Variants in AK8 observed in about 807,000 individuals in gnomAD.
AK8 encodes adenylate kinase 8.
Under a neutral mutation model 54.6 loss-of-function variants are expected in AK8, and 44 were observed. The observed-to-expected ratio is 0.81, with a 90% CI of 0.63 to 1.04. The LOEUF (loss-of-function observed/expected upper bound fraction) is 1.04. Among genes scored for constraint, AK8 ranks in the 50% least tolerant of loss-of-function variants. The probability of loss-of-function intolerance (pLI) is 0.00; values close to 1 mark genes in which losing one functional copy is unlikely to be tolerated. For missense variants in AK8, 555 were observed against 613.6 expected, an observed-to-expected ratio of 0.90 and a Z score of 1.01; for synonymous variants, 239 against 245.6, an observed-to-expected ratio of 0.97 and a Z score of 0.25.
chr9:132,826,946 T>C lies in AK8; in HGVS notation c.665A>G (p.Tyr222Cys). The C allele has an allele frequency of 6.2e-7, 1 of 1,614,256 alleles. No individual in the cohort carries two copies. Among genetic ancestry groups the C allele is most frequent in the Non-Finnish European group, 8.5e-7 (1 of 1,180,044 alleles). Residue 222 changes from tyrosine (Y) to cysteine (C), a missense_variant, in exon 8 of 13, where the codon TAT becomes TGT. Transcript: ENST00000298545. The surrounding 1 kb of genome is among the most constrained non-coding windows in gnomAD (Gnocchi z 4.5). ...ELETAQKLLE[Y>C]HRNIVRVIPS... ...AATGACCCTGACGATGTTCCTATGA[T>C]ACTCCAGCAGTTTCTGAGCCGTCTC...
Position 132,854,937 on chromosome 9 carries a change from A to G in AK8, c.334-12T>C. On this transcript the variant is annotated splice_polypyrimidine_tract_variant and intron_variant, in intron 4 of 12. Coordinates refer to ENST00000298545, the MANE Select transcript of AK8 (RefSeq NM_152572.3). Reference sequence around the variant, plus strand: ...GCGCTGGGAACTGTCTGAAGGAAAAAGGACACACAGAATGATGGCCCAAAC... The same window carrying G: ...GCGCTGGGAACTGTCTGAAGGAAAAGGGACACACAGAATGATGGCCCAAAC... 6.2e-7 allele frequency: 1 copy of G among 1,613,980 alleles called. No homozygotes were observed. The highest frequency in any genetic ancestry group is 8.5e-7 in the Non-Finnish European group (1 of 1,179,950).
At chr9:132,755,768 A>AT (rs5900991) in intron 11 of AK8, among the ~76,000 whole-genome samples, 2,531 of 143,712 alleles carry the variant, frequency 0.018, 68 homozygotes, top group African/African-American at 0.059. Flanking sequence ...CAACTCTCAG[A>AT]TTTTTTTTTT....
At chr9:132,794,130 T>C (rs573193876) in intron 10 of AK8, among the ~76,000 whole-genome samples, 2 of 152,318 alleles carry the variant, frequency 1.3e-5, no homozygotes, top group Admixed American at 1.3e-4. Flanking sequence ...CCTGAATGTG[T>C]TCTCTCTCAT....
intron 12 of AK8, among the ~76,000 whole-genome samples, chr9:132,726,548 G>A (rs543820761): frequency 8.5e-5 from 13 of 152,256 alleles, no homozygotes; most frequent in South Asian, 8.3e-4. Context: ...GATTACAGGC[G>A]TGAGCCACCA....
At chr9:132,777,193 C>T (rs867035877) in intron 11 of AK8, among the ~76,000 whole-genome samples, 7 of 152,272 alleles carry the variant, frequency 4.6e-5, no homozygotes, top group African/African-American at 1.2e-4. Context: ...GTTGAACGTA[C>T]TTCTCAGAAG....
At chr9:132,839,369 G>A (rs1419376232) in intron 5 of AK8, among the ~76,000 whole-genome samples, 1 of 152,162 alleles carries the variant, frequency 6.6e-6, no homozygotes, top group East Asian at 1.9e-4. Context: ...AATGAGTCAT[G>A]GGGCAAAGTA....
Position 132,826,430 on chromosome 9 carries a change from T to A in AK8, c.757+424A>T, listed in dbSNP as rs570527929. 6.6e-5 allele frequency among the ~76,000 whole-genome samples: 10 copies of A among 152,258 alleles called. No homozygotes were observed. Among genetic ancestry groups the A allele is most frequent in the African/African-American group, 2.4e-4 (10 of 41,562 alleles). On this transcript the variant is annotated intron_variant, in intron 8 of 12. Coordinates refer to ENST00000298545, the MANE Select transcript of AK8 (RefSeq NM_152572.3). This position sits in a 1 kb window ranked among gnomAD's most constrained non-coding sequence, Gnocchi z 4.5. ...TAAATGAAGCATACCACCTGTGCTG[T>A]GTGTGTGTGTTTTATTGTGTTGTGT...
chr9:132,821,117 C>A (rs1841578931), intron 9 of AK8, among the ~76,000 whole-genome samples: 1 of 150,212 alleles, frequency 6.7e-6, no homozygotes, highest in Non-Finnish European at 1.5e-5. Context: ...GTGCTGAACG[C>A]AATTTGAATT....
intron 2 of AK8, among the ~76,000 whole-genome samples, chr9:132,871,797 G>A (rs757161882): frequency 6.6e-6 from 1 of 152,242 alleles, no homozygotes; most frequent in Non-Finnish European, 1.5e-5. Flanking sequence ...GGAGACAAAG[G>A]CAGGGAGGTG....
In AK8 at chr9:132,828,655, G is replaced by A; in HGVS notation, c.474C>T (p.Pro158=). ...ALRIQTLGIT[P]RHVIVLSAPD... is the part of the protein sequence containing the mutation. ...TTGGGAGCTACTCACTGACGTGTCT[G>A]GGTGTGATCCCCAGGGTCTGGATCC... The change falls in exon 6 of 13, where the codon CCC becomes CCT. Residue 158 remains proline (P), a synonymous_variant. Transcript: ENST00000298545. 1 of 1,612,016 alleles carries A rather than the reference G, an allele frequency of 6.2e-7. No individual in the cohort carries two copies. The highest frequency in any genetic ancestry group is 8.5e-7 in the Non-Finnish European group (1 of 1,179,162).
rs368312995 is a variant in AK8 at position 132,814,657 on chromosome 9, G to T, written c.960C>A (p.Phe320Leu). 13 of 1,614,124 alleles carry T rather than the reference G, an allele frequency of 8.1e-6. No individual in the cohort carries two copies. The highest frequency in any genetic ancestry group is 1.1e-5 in the Non-Finnish European group (13 of 1,180,018). ...RTTFGELIQPFFEKEMAVPDS... is the reference protein window; with the variant it reads ...RTTFGELIQPLFEKEMAVPDS... Reference sequence around the variant, plus strand: ...GCCTACCTGCCATCTCCTTTTCAAAGAAGGGCTGGATGAGCTCGCCAAACG... The same window carrying T: ...GCCTACCTGCCATCTCCTTTTCAAATAAGGGCTGGATGAGCTCGCCAAACG... Residue 320 changes from phenylalanine (F) to leucine (L), a missense_variant, in exon 10 of 13, where the codon TTC (phenylalanine) becomes TTA (leucine). By Grantham distance (22) the Phe-to-Leu change is conservative. Coordinates refer to ENST00000298545, the MANE Select transcript of AK8 (RefSeq NM_152572.3).
At chr9:132,787,871 T>C (rs1356441190) in intron 11 of AK8, among the ~76,000 whole-genome samples, 1 of 151,580 alleles carries the variant, frequency 6.6e-6, no homozygotes, top group Non-Finnish European at 1.5e-5. Context: ...ATCAAGGGGG[T>C]ATATAAAAGG....
chr9:132,808,646 G>A (rs1310989269), intron 10 of AK8, among the ~76,000 whole-genome samples: 1 of 152,196 alleles, frequency 6.6e-6, no homozygotes, highest in Admixed American at 6.5e-5. Flanking sequence ...GAGGCTGCAC[G>A]GGGAAAAGAT....
intron 10 of AK8, among the ~76,000 whole-genome samples, chr9:132,814,218 G>A (rs1417527402): frequency 7.5e-6 from 1 of 134,068 alleles, no homozygotes; most frequent in Non-Finnish European, 1.6e-5. Flanking sequence ...GGTTGAGGCT[G>A]TAGTGAGCTG....
intron 10 of AK8, among the ~76,000 whole-genome samples, chr9:132,796,770 T>TACACACACACAC (rs10590924): frequency 4.9e-5 from 7 of 142,308 alleles, no homozygotes; most frequent in African/African-American, 1.3e-4. Context: ...ACATACATGC[T>TACACACACACAC]ACACACACAC....
chr9:132,800,757 T>C (rs1320419420), intron 10 of AK8, among the ~76,000 whole-genome samples: 1 of 152,188 alleles, frequency 6.6e-6, no homozygotes, highest in Non-Finnish European at 1.5e-5. Context: ...GGAGGCCATG[T>C]TGTGCCCCTC....
rs927103520 is a variant in AK8, at chr9:132,790,134, G to A, written c.1121+2500C>T. Among the ~76,000 whole-genome samples, 1 of 152,128 alleles carries A rather than the reference G, an allele frequency of 6.6e-6. No individual in the cohort carries two copies. ...CAGTTACTATAGGAACAAAAGACTG[G>A]CTTACTAATATTAACATAATTTATA... On this transcript the variant is annotated intron_variant, in intron 11 of 12. Coordinates refer to ENST00000298545, the MANE Select transcript of AK8 (RefSeq NM_152572.3). This position sits in a 1 kb window ranked among gnomAD's most constrained non-coding sequence, Gnocchi z 4.1.
intron 2 of AK8, among the ~76,000 whole-genome samples, chr9:132,867,472 T>C (rs140347166): frequency 2.6e-4 from 39 of 152,394 alleles, no homozygotes; most frequent in Non-Finnish European, 5.4e-4. Flanking sequence ...TGGGCATTTC[T>C]ATGCAAATGG....
chr9:132,812,459 G>A (rs1018035308), intron 10 of AK8, among the ~76,000 whole-genome samples: 15 of 103,746 alleles, frequency 1.4e-4, no homozygotes, highest in African/African-American at 4.9e-4. Flanking sequence ...GGCTGGTCTC[G>A]AATTCTTGAG....
Sources: allele counts gnomAD v4.1 joint callset (sites outside exome capture counted in the v4.1 genomes callset), GRCh38; gene constraint gnomAD v4.1.1; non-coding constraint Gnocchi (gnomAD v3.1); transcripts MANE v1.5; gene names NCBI Gene and HGNC (gene_info 2026-07-23, HGNC 2026-07-21).